SNTB1: variants seen among roughly 807,000 people sequenced by gnomAD.
The protein encoded by SNTB1 is syntrophin beta 1.
SNTB1 carries 36 observed loss-of-function variants against 48.9 expected under a neutral mutation model. The ratio of observed to expected loss-of-function variants is 0.74; its 90% confidence interval spans 0.56 to 0.97. The LOEUF is 0.97. Among genes scored for constraint, SNTB1 ranks in the 50% least tolerant of loss-of-function variants. The pLI, the probability that SNTB1 is intolerant of heterozygous loss-of-function variation, is 0.00. For missense variants in SNTB1, 786 were observed against 703.4 expected, an observed-to-expected ratio of 1.12 and a Z score of -1.33; for synonymous variants, 299 against 294.6, an observed-to-expected ratio of 1.01 and a Z score of -0.15.
At chr8:120,685,338 G>T (rs1035201873) in intron 2 of SNTB1, among the ~76,000 whole-genome samples, 2 of 152,328 alleles carry the variant, frequency 1.3e-5, no homozygotes, top group Admixed American at 1.3e-4. Flanking sequence ...GGCCCCACAC[G>T]GCGTCCTTTG....
intron 1 of SNTB1, among the ~76,000 whole-genome samples, chr8:120,794,981 G>T (rs796967829): frequency 2.6e-5 from 4 of 151,898 alleles, no homozygotes; most frequent in Admixed American, 6.6e-5. Context: ...TGGCTGAAAG[G>T]CTATAATTTT....
At chr8:120,688,100 A>C (rs1818061803) in intron 2 of SNTB1, among the ~76,000 whole-genome samples, 1 of 152,244 alleles carries the variant, frequency 6.6e-6, no homozygotes. Context: ...TCATTTGTGC[A>C]CCATTAATAG....
chr8:120,701,855 A>T (rs187078803), intron 1 of SNTB1, among the ~76,000 whole-genome samples: 4 of 152,366 alleles, frequency 2.6e-5, no homozygotes. Context: ...TGGAGTTGAG[A>T]GTAAAATAAA....
chr8:120,613,585 T>C (rs1816661806), intron 3 of SNTB1, among the ~76,000 whole-genome samples: 1 of 152,186 alleles, frequency 6.6e-6, no homozygotes, highest in South Asian at 2.1e-4. Context: ...AGTAATGTCA[T>C]GTACTACAAT....
intron 1 of SNTB1, among the ~76,000 whole-genome samples, chr8:120,704,511 A>G (rs557981029): frequency 6.6e-6 from 1 of 152,222 alleles, no homozygotes; most frequent in African/African-American, 2.4e-5. Flanking sequence ...TCTTTTCATC[A>G]TCTCATAAAC....
intron 5 of SNTB1, among the ~76,000 whole-genome samples, chr8:120,547,750 C>T (rs1268578323): frequency 6.6e-6 from 1 of 152,182 alleles, no homozygotes; most frequent in Non-Finnish European, 1.5e-5. Context: ...CTTGCCCTTT[C>T]TAAGAGCTCT....
At chr8:120,601,873 G>A (rs533435758) in intron 3 of SNTB1, among the ~76,000 whole-genome samples, 13 of 152,294 alleles carry the variant, frequency 8.5e-5, no homozygotes, top group African/African-American at 3.1e-4. Context: ...TGGCTTTACA[G>A]CCCTCAGACA....
intron 2 of SNTB1, among the ~76,000 whole-genome samples, chr8:120,638,527 G>A (rs1235970082): frequency 1.3e-5 from 2 of 151,808 alleles, no homozygotes; most frequent in Admixed American, 6.6e-5. Flanking sequence ...TTTACATTAG[G>A]TATATCTCCT....
At chr8:120,573,785 A>C (rs566868808) in intron 4 of SNTB1, among the ~76,000 whole-genome samples, 10 of 152,260 alleles carry the variant, frequency 6.6e-5, no homozygotes, top group African/African-American at 2.2e-4. Flanking sequence ...ATTGAAGAGA[A>C]TATCCTTTCT....
intron 3 of SNTB1, among the ~76,000 whole-genome samples, chr8:120,578,496 C>A (rs1168133799): frequency 6.6e-6 from 1 of 152,202 alleles, no homozygotes; most frequent in Admixed American, 6.5e-5. Flanking sequence ...TTTGTTAACA[C>A]ATGACTCCTG....
chr8:120,789,255 A>G (rs1278817028), intron 1 of SNTB1, among the ~76,000 whole-genome samples: 1 of 152,032 alleles, frequency 6.6e-6, no homozygotes, highest in Non-Finnish European at 1.5e-5. Context: ...TGCTAAGAAG[A>G]AAGTTTATAG....
intron 2 of SNTB1, among the ~76,000 whole-genome samples, chr8:120,646,258 T>C (rs1345716246): frequency 8.1e-6 from 1 of 123,934 alleles, no homozygotes; most frequent in African/African-American, 2.9e-5. Flanking sequence ...TCAAAGGGAA[T>C]GCTTCCAGTT....
At chr8:120,669,801 T>C (rs1362804640) in intron 2 of SNTB1, among the ~76,000 whole-genome samples, 1 of 152,216 alleles carries the variant, frequency 6.6e-6, no homozygotes, top group Admixed American at 6.5e-5. Flanking sequence ...AAATGCAGAT[T>C]CTGATTCCAC....
chr8:120,703,206 C>T (rs1286232629), intron 1 of SNTB1, among the ~76,000 whole-genome samples: 2 of 152,206 alleles, frequency 1.3e-5, no homozygotes, highest in African/African-American at 4.8e-5. Context: ...CTCACTGCAA[C>T]CTCCGCCTCC....
intron 1 of SNTB1, among the ~76,000 whole-genome samples, chr8:120,754,665 C>T (rs1266948668): frequency 2.6e-5 from 4 of 151,286 alleles, no homozygotes; most frequent in Non-Finnish European, 4.4e-5. Context: ...GAAGGCAAAG[C>T]GAATGTGTAA....
At chr8:120,767,368 C>A (rs1587145020) in intron 1 of SNTB1, among the ~76,000 whole-genome samples, 3 of 152,270 alleles carry the variant, frequency 2.0e-5, no homozygotes, top group South Asian at 4.1e-4. Flanking sequence ...AACCCCCTCC[C>A]ACTCCAAAGT....
At chr8:120,674,473 A>G (rs4361791) in intron 2 of SNTB1, among the ~76,000 whole-genome samples, 44,141 of 152,186 alleles carry the variant, frequency 0.29, 7,438 homozygotes, top group Admixed American at 0.37. Flanking sequence ...TGAAACCACT[A>G]CATGGTAACA....
chr8:120,703,345 G>A (rs1003322086), intron 1 of SNTB1, among the ~76,000 whole-genome samples: 3 of 152,160 alleles, frequency 2.0e-5, no homozygotes, highest in Middle Eastern at 3.2e-3. Flanking sequence ...GGCTGGTCTC[G>A]AACTCCTGAC....
intron 1 of SNTB1, among the ~76,000 whole-genome samples, chr8:120,726,695 A>G (rs1313300332): frequency 6.6e-6 from 1 of 151,644 alleles, no homozygotes; most frequent in Non-Finnish European, 1.5e-5. Context: ...TGCTAGTGCC[A>G]TAGAATACAG....
Sources: gnomAD v4.1 joint callset for allele counts (sites outside exome capture counted in the v4.1 genomes callset) on GRCh38, gnomAD v4.1.1 for gene constraint, MANE v1.5 for transcripts, NCBI Gene and HGNC (gene_info 2026-07-23, HGNC 2026-07-21) for gene names.